The following GNAL variants were observed in gnomAD, a reference collection of about 807,000 sequenced individuals.
GNAL encodes G protein subunit alpha L, also known as guanine nucleotide-binding protein G(olf) subunit alpha.
Under a neutral mutation model 55.1 loss-of-function variants are expected in GNAL, and 18 were observed. That is an observed-to-expected ratio of 0.33 (90% CI 0.23 to 0.48). GNAL has a LOEUF of 0.48. Among genes scored for constraint, GNAL ranks in the 20% least tolerant of loss-of-function variants. The pLI, the probability that GNAL is intolerant of heterozygous loss-of-function variation, is 0.99. For synonymous variants in GNAL, 253 were observed against 237.0 expected, an observed-to-expected ratio of 1.07 and a Z score of -0.62; for missense variants, 412 against 614.1, an observed-to-expected ratio of 0.67 and a Z score of 3.48.
rs1007446657 is a variant in GNAL, at chr18:11,751,281, G to A, written c.377-1572G>A. ...CAAGCTGCCGGCTCTGGCCCTATTG[G>A]AGGGGTCTCAGTAACGGAGGGCAGG... On this transcript the variant is annotated intron_variant, in intron 1 of 11. Transcript: ENST00000334049. This position sits in a 1 kb window ranked among gnomAD's most constrained non-coding sequence, Gnocchi z 4.5. 1.3e-5 allele frequency among the ~76,000 whole-genome samples: 2 copies of A among 152,138 alleles called. No individual in the cohort carries two copies. The highest frequency in any genetic ancestry group is 2.9e-5 in the Non-Finnish European group (2 of 68,030).
At chr18:11,833,319 T>C (rs2035429598) in intron 5 of GNAL, among the ~76,000 whole-genome samples, 1 of 152,196 alleles carries the variant, frequency 6.6e-6, no homozygotes, top group Non-Finnish European at 1.5e-5. Context: ...CATGAACCAC[T>C]GTGCCCCGCC....
intron 1 of GNAL, among the ~76,000 whole-genome samples, chr18:11,713,125 G>A (rs80199963): frequency 9.2e-5 from 14 of 152,330 alleles, no homozygotes; most frequent in Non-Finnish European, 1.5e-4. Context: ...TGTACAACAC[G>A]AAGTGACTTC....
chr18:11,701,561 C>CAAAAAAAA (rs36089846), intron 1 of GNAL, among the ~76,000 whole-genome samples: 1 of 56,394 alleles, frequency 1.8e-5, no homozygotes, highest in Non-Finnish European at 3.8e-5. Flanking sequence ...GCAAGAATCT[C>CAAAAAAAA]AAAAAAAAAA....
At chr18:11,771,953 T>C (rs770963705) in intron 4 of GNAL, among the ~76,000 whole-genome samples, 1 of 152,050 alleles carries the variant, frequency 6.6e-6, no homozygotes, top group Non-Finnish European at 1.5e-5. Context: ...ACTCCTGACC[T>C]CAGGTGATCT....
intron 4 of GNAL, among the ~76,000 whole-genome samples, chr18:11,766,856 G>A (rs1169872455): frequency 6.6e-6 from 1 of 152,200 alleles, no homozygotes; most frequent in Non-Finnish European, 1.5e-5. Flanking sequence ...GAACAGTTAA[G>A]CCAGGCAGGA....
chr18:11,830,717 A>G (rs761711195), intron 5 of GNAL, among the ~76,000 whole-genome samples: 1 of 152,244 alleles, frequency 6.6e-6, no homozygotes, highest in African/African-American at 2.4e-5. Context: ...AAAAGGTGAA[A>G]ACAACCGAAA....
At chr18:11,710,868 C>CTGTTT (rs542715685) in intron 1 of GNAL, among the ~76,000 whole-genome samples, 42 of 151,992 alleles carry the variant, frequency 2.8e-4, no homozygotes, top group South Asian at 8.3e-4. Context: ...TCAGTATGAA[C>CTGTTT]TGTTTTGTTT....
intron 11 of GNAL, among the ~76,000 whole-genome samples, chr18:11,877,592 C>T (rs1057303851): frequency 6.6e-6 from 1 of 151,304 alleles, no homozygotes; most frequent in Non-Finnish European, 1.5e-5. Context: ...AGTTTTTACT[C>T]GCTTCAAACT....
intron 5 of GNAL, among the ~76,000 whole-genome samples, chr18:11,842,703 G>A (rs1034832306): frequency 2.6e-5 from 4 of 152,142 alleles, no homozygotes; most frequent in Non-Finnish European, 5.9e-5. Flanking sequence ...GTGGTAATGC[G>A]ATTGATGGGG....
chr18:11,835,180 G>C (rs1362061378), intron 5 of GNAL, among the ~76,000 whole-genome samples: 1 of 152,198 alleles, frequency 6.6e-6, no homozygotes, highest in African/African-American at 2.4e-5. Context: ...GAAAGAAAAA[G>C]CCATGAAGAA....
intron 1 of GNAL, among the ~76,000 whole-genome samples, chr18:11,717,058 G>A (rs1242372567): frequency 6.6e-6 from 1 of 152,234 alleles, no homozygotes. Flanking sequence ...GGAGGCTCAC[G>A]CATGGCGGGC....
At chr18:11,863,345 A>G (rs1199179731) in intron 6 of GNAL, among the ~76,000 whole-genome samples, 1 of 152,174 alleles carries the variant, frequency 6.6e-6, no homozygotes, top group African/African-American at 2.4e-5. Context: ...TGTTCAAACC[A>G]CACTCTCCAA....
At chr18:11,851,645 T>A in intron 5 of GNAL, 1 of 1,613,900 alleles carries the variant, frequency 6.2e-7, no homozygotes, top group Non-Finnish European at 8.5e-7. Context: ...AAGGGCAACA[T>A]GGAAGTTGCG....
chr18:11,772,231 G>T (rs8084246), intron 4 of GNAL, among the ~76,000 whole-genome samples: 1 of 152,058 alleles, frequency 6.6e-6, no homozygotes, highest in East Asian at 1.9e-4. Context: ...GAAAAGAGTT[G>T]TAAGAAATTC....
At position 11,717,426 on chromosome 18, in the gene GNAL, CGAGT is replaced by C. The variant is rs1264490524; in HGVS notation, c.376+27491_376+27494del. 2.6e-5 allele frequency among the ~76,000 whole-genome samples: 4 copies of C among 152,338 alleles called. No homozygotes were observed. The East Asian group carries it at 7.7e-4, about 29-fold the overall frequency. On this transcript the variant is annotated intron_variant, in intron 1 of 11. Transcript: ENST00000334049. ...GCCCAGGCAGAGGAGGCCCCGAGAG[CGAGT>C]GAGGGCTGTGAGGGCTGCCAGCACG...
chr18:11,764,633 AC>A (rs2033348763), intron 4 of GNAL, among the ~76,000 whole-genome samples: 1 of 151,494 alleles, frequency 6.6e-6, no homozygotes, highest in East Asian at 2.0e-4. Context: ...ACATGGTGAA[AC>A]CCTGTCTCTA....
At chr18:11,707,291 G>T (rs2031735501) in intron 1 of GNAL, among the ~76,000 whole-genome samples, 1 of 152,272 alleles carries the variant, frequency 6.6e-6, no homozygotes, top group Non-Finnish European at 1.5e-5. Context: ...AAAAATTACT[G>T]CTTGATCCAT....
chr18:11,853,645 C>A (rs2035934551), intron 5 of GNAL: 1 of 166,902 alleles, frequency 6.0e-6, no homozygotes, highest in Admixed American at 6.6e-5. Flanking sequence ...GTAACAGGTG[C>A]GTGCAGATGA....
intron 4 of GNAL, among the ~76,000 whole-genome samples, chr18:11,768,602 GA>G (rs141852297): frequency 1.3e-4 from 17 of 133,044 alleles, no homozygotes; most frequent in East Asian, 2.3e-4. Flanking sequence ...ACTCCATCTC[GA>G]AAAAAAAAAG....
Sources: gnomAD v4.1 joint callset for allele counts (sites outside exome capture counted in the v4.1 genomes callset) on GRCh38, gnomAD v4.1.1 for gene constraint, Gnocchi (gnomAD v3.1) non-coding constraint, MANE v1.5 for transcripts, NCBI Gene and HGNC (gene_info 2026-07-23, HGNC 2026-07-21) for gene names.